APCDD1L: variants seen among roughly 807,000 people sequenced by gnomAD.
APCDD1L encodes the protein APC down-regulated 1 like, also known as protein APCDD1-like.
A neutral mutation model predicts 24.2 loss-of-function variants in APCDD1L; 21 were observed. That is an observed-to-expected ratio of 0.87 (90% CI 0.61 to 1.25). The LOEUF (loss-of-function observed/expected upper bound fraction) is 1.25. APCDD1L is among the 50% of genes most tolerant of loss of function. The probability of loss-of-function intolerance (pLI) is 0.00; values close to 1 mark genes in which losing one functional copy is unlikely to be tolerated. For missense variants in APCDD1L, 704 were observed against 711.7 expected, an observed-to-expected ratio of 0.99 and a Z score of 0.12; for synonymous variants, 321 against 323.6, an observed-to-expected ratio of 0.99 and a Z score of 0.09.
chr20:58,469,072 G>C (rs1257606720), intron 2 of APCDD1L, among the ~76,000 whole-genome samples: 1 of 152,058 alleles, frequency 6.6e-6, no homozygotes, highest in Non-Finnish European at 1.5e-5. Flanking sequence ...GATCTACAGA[G>C]GATTTATGTT....
At chr20:58,475,644 C>T (rs913294012) in intron 1 of APCDD1L, among the ~76,000 whole-genome samples, 1 of 152,032 alleles carries the variant, frequency 6.6e-6, no homozygotes, top group Non-Finnish European at 1.5e-5. Flanking sequence ...CTGAGGCACG[C>T]GAAAGGAGAG....
intron 1 of APCDD1L, among the ~76,000 whole-genome samples, chr20:58,484,456 A>C (rs1990083089): frequency 6.6e-6 from 1 of 152,258 alleles, no homozygotes; most frequent in South Asian, 2.1e-4. Context: ...TGGTGAATGA[A>C]TAAATAAATC....
At chr20:58,475,328 G>A (rs575550606) in intron 1 of APCDD1L, among the ~76,000 whole-genome samples, 1 of 152,288 alleles carries the variant, frequency 6.6e-6, no homozygotes, top group South Asian at 2.1e-4. Flanking sequence ...GTGATTTCAG[G>A]CGCGAAGCGA....
chr20:58,478,886 A>C (rs1462312825), intron 1 of APCDD1L, among the ~76,000 whole-genome samples: 4 of 151,966 alleles, frequency 2.6e-5, no homozygotes, highest in African/African-American at 9.7e-5. Context: ...GCAGGTAGAG[A>C]GGAAAGAGAA....
intron 1 of APCDD1L, among the ~76,000 whole-genome samples, chr20:58,476,434 C>T (rs1217022480): frequency 6.6e-6 from 1 of 152,206 alleles, no homozygotes; most frequent in African/African-American, 2.4e-5. Flanking sequence ...CGTGATCCAC[C>T]CACCTTGGCT....
At chr20:58,504,527 A>G (rs1311645362) in intron 1 of APCDD1L, among the ~76,000 whole-genome samples, 1 of 152,218 alleles carries the variant, frequency 6.6e-6, no homozygotes, top group Non-Finnish European at 1.5e-5. Flanking sequence ...CTAAACCACA[A>G]GACAGTTGTG....
intron 1 of APCDD1L, among the ~76,000 whole-genome samples, chr20:58,506,026 T>A (rs1336267649): frequency 1.3e-5 from 2 of 152,178 alleles, no homozygotes; most frequent in Non-Finnish European, 2.9e-5. Flanking sequence ...GCCCCACTGA[T>A]ACCTTGATTT....
chr20:58,473,164 A>G (rs1989845114), intron 1 of APCDD1L, among the ~76,000 whole-genome samples: 1 of 152,150 alleles, frequency 6.6e-6, no homozygotes, highest in African/African-American at 2.4e-5. Flanking sequence ...GGGCCCTGCA[A>G]ATTATCTTGT....
chr20:58,466,991 C>G (rs573666705), intron 3 of APCDD1L, 115 bp downstream of exon 3: 4 of 1,327,026 alleles, frequency 3.0e-6, no homozygotes, highest in Non-Finnish European at 4.0e-6. Flanking sequence ...TGATGACAGC[C>G]GGGCAGCCAG....
chr20:58,504,115 C>A (rs1990491573), intron 1 of APCDD1L, among the ~76,000 whole-genome samples: 1 of 152,174 alleles, frequency 6.6e-6, no homozygotes, highest in African/African-American at 2.4e-5. Context: ...TGGTACCTGT[C>A]CACTGCAGTT....
At position 58,460,518 on chromosome 20, in the gene APCDD1L, A is replaced by G. The variant is rs149502448; in HGVS notation, c.*272T>C. ...GGATGAGGAAAGTAGAAAAATTGGG[A>G]GTGATCTTTAGAAACTCACGTAGCG... On this transcript the variant is annotated 3_prime_UTR_variant, in exon 4 of 4. Coordinates refer to ENST00000371149, the MANE Select transcript of APCDD1L (RefSeq NM_153360.3). This position sits in a 1 kb window ranked among gnomAD's most constrained non-coding sequence, Gnocchi z 4.2. 6.5e-4 allele frequency: 222 copies of G among 340,904 alleles called. No individual in the cohort carries two copies. Among genetic ancestry groups the G allele is most frequent in the East Asian group, 2.9e-3 (63 of 21,744 alleles). 21.1% of individuals were successfully genotyped at this position (340,904 alleles called of 1,614,324 possible).
intron 1 of APCDD1L, among the ~76,000 whole-genome samples, chr20:58,496,024 A>C (rs1156496647): frequency 1.3e-5 from 2 of 152,226 alleles, no homozygotes; most frequent in South Asian, 4.1e-4. Context: ...AGGGTCAATG[A>C]CATACCGTCT....
intron 1 of APCDD1L, among the ~76,000 whole-genome samples, chr20:58,514,285 G>C (rs1391405948): frequency 6.6e-6 from 1 of 152,164 alleles, no homozygotes; most frequent in African/African-American, 2.4e-5. Context: ...CTGAATAGCC[G>C]GGCTTGTCCC....
chr20:58,485,330 T>C (rs1990101295), intron 1 of APCDD1L, among the ~76,000 whole-genome samples: 1 of 152,244 alleles, frequency 6.6e-6, no homozygotes, highest in East Asian at 1.9e-4. Flanking sequence ...CAATTTATCT[T>C]CCATCGGTGA....
At position 58,459,597 on chromosome 20, in the gene APCDD1L, TCA is replaced by T. The variant is rs1989556936; in HGVS notation, c.*1191_*1192del. 6.6e-6 allele frequency: 1 copy of T among 152,544 alleles called. No homozygotes were observed. The highest frequency in any genetic ancestry group is 1.5e-5 in the Non-Finnish European group (1 of 68,168). 9.4% of individuals were successfully genotyped at this position (152,544 alleles called of 1,614,324 possible). ...GGGCCCACCAGGATGCCAGTTAATT[TCA>T]CAGTGTACAGATGAGGCCCTGGGAA... On this transcript the variant is annotated 3_prime_UTR_variant, in exon 4 of 4. Coordinates refer to ENST00000371149, the MANE Select transcript of APCDD1L (RefSeq NM_153360.3).
Position 58,467,770 on chromosome 20 carries a change from G to T in APCDD1L, c.189-112C>A. 1 of 1,135,992 alleles carries T rather than the reference G, an allele frequency of 8.8e-7. No individual in the cohort carries two copies. The highest frequency in any genetic ancestry group is 1.2e-6 in the Non-Finnish European group (1 of 861,616). 70.4% of individuals were successfully genotyped at this position (1,135,992 alleles called of 1,614,324 possible). On this transcript the variant is annotated intron_variant, in intron 2 of 3. Coordinates refer to ENST00000371149, the MANE Select transcript of APCDD1L (RefSeq NM_153360.3). This position sits in a 1 kb window ranked among gnomAD's most constrained non-coding sequence, Gnocchi z 5.9. ...CCCCCAGCCCTCCTCTTAGTCCTCA[G>T]CTCAGGCCTGGGCCCCTCCAGCCTC... is the stretch of plus-strand genomic sequence containing the variant.
chr20:58,504,555 T>C (rs1218914796), intron 1 of APCDD1L, among the ~76,000 whole-genome samples: 1 of 152,120 alleles, frequency 6.6e-6, no homozygotes, highest in Non-Finnish European at 1.5e-5. Flanking sequence ...AATATAATGC[T>C]CCTACAGTGT....
chr20:58,474,191 C>A (rs187921026), intron 1 of APCDD1L, among the ~76,000 whole-genome samples: 2 of 152,192 alleles, frequency 1.3e-5, no homozygotes, highest in Non-Finnish European at 2.9e-5. Context: ...GTCCTCACAG[C>A]GGCAGCGTGT....
intron 1 of APCDD1L, among the ~76,000 whole-genome samples, chr20:58,484,637 A>ACACACATT (rs1307508201): frequency 1.3e-5 from 2 of 152,182 alleles, no homozygotes; most frequent in South Asian, 4.1e-4. Context: ...GTGGGGACTA[A>ACACACATT]CACACATTCA....
Sources: gnomAD v4.1 joint callset for allele counts (sites outside exome capture counted in the v4.1 genomes callset) on GRCh38, gnomAD v4.1.1 for gene constraint, Gnocchi (gnomAD v3.1) non-coding constraint, MANE v1.5 for transcripts, NCBI Gene and HGNC (gene_info 2026-07-23, HGNC 2026-07-21) for gene names.